The following NFATC2 variants were observed in gnomAD, a reference collection of about 807,000 sequenced individuals.
The protein encoded by NFATC2 is nuclear factor of activated T-cells, cytoplasmic 2.
A neutral mutation model predicts 87.3 loss-of-function variants in NFATC2; 22 were observed. That is an observed-to-expected ratio of 0.25 (90% confidence interval 0.18 to 0.36). The LOEUF is 0.36. Among genes scored for constraint, NFATC2 ranks in the 10% least tolerant of loss-of-function variants. The pLI, the probability that NFATC2 is intolerant of heterozygous loss-of-function variation, is 1.00. For synonymous variants in NFATC2, 565 were observed against 542.2 expected, an observed-to-expected ratio of 1.04 and a Z score of -0.58; for missense variants, 1,149 against 1,259.1, an observed-to-expected ratio of 0.91 and a Z score of 1.32.
chr20:51,489,865 A>G (rs569361623), intron 3 of NFATC2, among the ~76,000 whole-genome samples: 3 of 152,328 alleles, frequency 2.0e-5, no homozygotes, highest in African/African-American at 7.2e-5. Context: ...AGGTATTCCC[A>G]AGAGGAGAGG....
rs2076837052 is a variant in NFATC2, at chr20:51,542,527, C to T, written c.-28G>A. 3.6e-6 allele frequency: 5 copies of T among 1,374,304 alleles called. No homozygotes were observed. The highest frequency in any genetic ancestry group is 4.7e-6 in the Non-Finnish European group (5 of 1,066,762). 85.1% of individuals were successfully genotyped at this position (1,374,304 alleles called of 1,614,324 possible). Reference sequence around the variant, plus strand: ...CGCGCAGGGCGGGAAGGCTGCGGGGCCGGGGGCGAGGGCGGGCGCGGCTGG... The same window carrying T: ...CGCGCAGGGCGGGAAGGCTGCGGGGTCGGGGGCGAGGGCGGGCGCGGCTGG... On this transcript the variant is annotated 5_prime_UTR_variant, in exon 1 of 11. Coordinates refer to ENST00000371564, the MANE Select transcript of NFATC2 (RefSeq NM_012340.5).
intron 3 of NFATC2, among the ~76,000 whole-genome samples, chr20:51,476,164 T>A (rs941872899): frequency 2.0e-5 from 3 of 151,232 alleles, no homozygotes; most frequent in Admixed American, 1.3e-4. Context: ...GCCATGTTGG[T>A]GTGCTGCACC....
At chr20:51,461,904 T>G (rs1261549317) in intron 5 of NFATC2, among the ~76,000 whole-genome samples, 6 of 151,996 alleles carry the variant, frequency 3.9e-5, no homozygotes, top group African/African-American at 1.2e-4. Flanking sequence ...TCACTTGAGG[T>G]CAGAACTTCG....
chr20:51,442,590 G>A (rs191310858), intron 6 of NFATC2, among the ~76,000 whole-genome samples: 34 of 152,280 alleles, frequency 2.2e-4, no homozygotes, highest in African/African-American at 7.7e-4. Context: ...GTACCTCCAG[G>A]GCTGGGCCTG....
chr20:51,433,801 C>A (rs1326144742), intron 8 of NFATC2, among the ~76,000 whole-genome samples: 4 of 149,860 alleles, frequency 2.7e-5, no homozygotes, highest in Admixed American at 1.3e-4. Context: ...TGGTGGGGGA[C>A]CTCCAAGTAT....
intron 2 of NFATC2, among the ~76,000 whole-genome samples, chr20:51,522,620 T>A (rs1193484232): frequency 1.3e-5 from 2 of 151,056 alleles, no homozygotes; most frequent in South Asian, 4.2e-4. Context: ...ACACAGCAGA[T>A]GCTAACAAAC....
At chr20:51,547,851 C>G (rs529068084) in intron 1 of NFATC2, among the ~76,000 whole-genome samples, 2 of 152,200 alleles carry the variant, frequency 1.3e-5, no homozygotes, top group Non-Finnish European at 2.9e-5. Context: ...CCATTTCTCA[C>G]TAACTTCACT....
Position 51,454,581 on chromosome 20 carries a change from C to G in NFATC2, c.1816G>C (p.Glu606Gln). The G allele has an allele frequency of 6.2e-7, 1 of 1,614,072 alleles. No individual in the cohort carries two copies. The highest frequency in any genetic ancestry group is 8.5e-7 in the Non-Finnish European group (1 of 1,180,020). ...TTCTCAGTAAACACAACTTTGGACTCGGATGTAAAGTTCTGCCCCGTGAGG... is the reference window on the plus strand; with the variant it reads ...TTCTCAGTAAACACAACTTTGGACTGGGATGTAAAGTTCTGCCCCGTGAGG... Reference protein sequence around the residue: ...MILTGQNFTSESKVVFTEKTT... With the variant: ...MILTGQNFTSQSKVVFTEKTT... The change falls in exon 6 of 11, where the codon GAG (glutamate) becomes CAG (glutamine). Residue 606 changes from glutamate to glutamine, a missense_variant. Physicochemically the swap from Glu to Gln is conservative, Grantham distance 29. Around this residue, in one of 3 missense-constraint regions of NFATC2, gnomAD observed 581 missense variants for 649.7 expected, o/e 0.89. Coordinates refer to ENST00000371564, the MANE Select transcript of NFATC2 (RefSeq NM_012340.5).
At chr20:51,391,574 GCT>G (rs1986353837) in intron 10 of NFATC2, 123 bp from the exon 11 acceptor site, 2 of 1,046,700 alleles carry the variant, frequency 1.9e-6, no homozygotes, top group African/African-American at 3.2e-5. Flanking sequence ...ACAAGGTCTT[GCT>G]CTGTCACCCA....
intron 1 of NFATC2, among the ~76,000 whole-genome samples, chr20:51,534,852 T>C (rs555945005): frequency 6.6e-6 from 1 of 152,330 alleles, no homozygotes; most frequent in African/African-American, 2.4e-5. Context: ...GAATGTCCCA[T>C]AAATAAAATC....
chr20:51,541,472 G>T (rs1344478150), intron 1 of NFATC2, among the ~76,000 whole-genome samples: 1 of 152,102 alleles, frequency 6.6e-6, no homozygotes, highest in Non-Finnish European at 1.5e-5. Flanking sequence ...TCTAACGAAT[G>T]CTCCTGTTAA....
At chr20:51,448,282 A>T (rs957130965) in intron 6 of NFATC2, among the ~76,000 whole-genome samples, 1 of 152,062 alleles carries the variant, frequency 6.6e-6, no homozygotes, top group Non-Finnish European at 1.5e-5. Context: ...GTCAAGGAGG[A>T]CCCCGTGGAG....
Position 51,475,615 on chromosome 20 carries a change from T to C in NFATC2, c.1378A>G (p.Ile460Val). Residue 460 changes from isoleucine to valine, a missense_variant, in exon 4 of 11, where the codon ATT (isoleucine) becomes GTT (valine). Ile to Val is a conservative substitution (Grantham distance 29). Coordinates refer to ENST00000371564, the MANE Select transcript of NFATC2 (RefSeq NM_012340.5). ...ENKPLGLQIF[I>V]GTADERILKP... ...AGGATCCGCTCATCAGCTGTCCCAA[T>C]GAAGATCTGAAGTCCCAGAGGCTTG... 1 of 1,614,042 alleles carries C rather than the reference T, an allele frequency of 6.2e-7. No individual in the cohort carries two copies. The highest frequency in any genetic ancestry group is 8.5e-7 in the Non-Finnish European group (1 of 1,180,020).
chr20:51,457,459 G>T (rs1986673264), intron 5 of NFATC2, among the ~76,000 whole-genome samples: 1 of 152,212 alleles, frequency 6.6e-6, no homozygotes. Flanking sequence ...GCACGCTGCT[G>T]TGAACACAGC....
intron 3 of NFATC2, among the ~76,000 whole-genome samples, chr20:51,477,535 CTATATATATATA>C (rs11467129): frequency 0.048 from 3,511 of 72,670 alleles, 187 homozygotes; most frequent in African/African-American, 0.14. Context: ...GTGTGTGTGT[CTATATATATATA>C]TATATATATA....
Position 51,542,676 on chromosome 20 carries a change from G to A in NFATC2, c.-177C>T, listed in dbSNP as rs1412768734. Reference sequence around the variant, plus strand: ...GCGCAGCGGGTCCTGGACGCGCCCGGGGAAGCTGAGCGGCGGCGGCGACGG... The same window carrying A: ...GCGCAGCGGGTCCTGGACGCGCCCGAGGAAGCTGAGCGGCGGCGGCGACGG... On this transcript the variant is annotated 5_prime_UTR_variant, in exon 1 of 11. Coordinates refer to ENST00000371564, the MANE Select transcript of NFATC2 (RefSeq NM_012340.5). 8.7e-7 allele frequency: 1 copy of A among 1,144,866 alleles called. No homozygotes were observed. The highest frequency in any genetic ancestry group is 1.1e-6 in the Non-Finnish European group (1 of 932,646). The allele number at this position is 1,144,866 out of a possible 1,614,324, so 70.9% of individuals were successfully genotyped here.
At chr20:51,407,215 C>T (rs1483228856) in intron 9 of NFATC2, among the ~76,000 whole-genome samples, 1 of 152,174 alleles carries the variant, frequency 6.6e-6, no homozygotes, top group Non-Finnish European at 1.5e-5. Flanking sequence ...GCCACCTCCC[C>T]TGAGGTGCTC....
chr20:51,399,458 G>A (rs1184503696), intron 9 of NFATC2, among the ~76,000 whole-genome samples: 2 of 151,996 alleles, frequency 1.3e-5, no homozygotes, highest in Non-Finnish European at 2.9e-5. Flanking sequence ...TTCTTACAGG[G>A]AATAATGCAG....
chr20:51,413,210 C>T (rs573526464), intron 9 of NFATC2, among the ~76,000 whole-genome samples: 31 of 151,920 alleles, frequency 2.0e-4, no homozygotes, highest in African/African-American at 6.5e-4. Flanking sequence ...GGTCATGCCC[C>T]GGCCTGGCCT....
Sources: allele counts gnomAD v4.1 joint callset (sites outside exome capture counted in the v4.1 genomes callset), GRCh38; gene constraint gnomAD v4.1.1; regional missense constraint gnomAD v4.1.1; transcripts MANE v1.5; gene names NCBI Gene and HGNC (gene_info 2026-07-23, HGNC 2026-07-21).